DAW1: variants seen among roughly 807,000 people sequenced by gnomAD.
The protein encoded by DAW1 is dynein assembly factor with WD repeat domains 1.
DAW1 carries 47 observed loss-of-function variants against 56.5 expected under a neutral mutation model. That is an observed-to-expected ratio of 0.83 (90% CI 0.66 to 1.06). The LOEUF (loss-of-function observed/expected upper bound fraction) is 1.06. Among genes scored for constraint, DAW1 ranks in the 50% least tolerant of loss-of-function variants. The pLI is 0.00. For synonymous variants in DAW1, 190 were observed against 179.0 expected (o/e 1.06, Z -0.49); for missense variants, 505 against 499.3 (o/e 1.01, Z -0.11).
chr2:227,917,208 C>T (rs555366862), intron 10 of DAW1, among the ~76,000 whole-genome samples: 5 of 151,762 alleles, frequency 3.3e-5, no homozygotes, highest in South Asian at 2.1e-4. Flanking sequence ...ATCTATCGAT[C>T]GATCTATCTA....
At chr2:227,874,634 T>A (rs912293851) in intron 1 of DAW1, among the ~76,000 whole-genome samples, 1 of 152,192 alleles carries the variant, frequency 6.6e-6, no homozygotes, top group Non-Finnish European at 1.5e-5. Flanking sequence ...TCTTTTTGAT[T>A]ATTTAATGTT....
At chr2:227,882,231 C>G (rs1223260116) in intron 1 of DAW1, among the ~76,000 whole-genome samples, 1 of 152,234 alleles carries the variant, frequency 6.6e-6, no homozygotes, top group Non-Finnish European at 1.5e-5. Context: ...TGAACACTTT[C>G]AGCAGGGTCT....
intron 2 of DAW1, among the ~76,000 whole-genome samples, chr2:227,888,898 C>T (rs1306077282): frequency 1.3e-5 from 2 of 152,068 alleles, no homozygotes; most frequent in African/African-American, 2.4e-5. Flanking sequence ...AGTTATCTTT[C>T]AGGGAAACAA....
intron 1 of DAW1, among the ~76,000 whole-genome samples, chr2:227,878,263 TCA>T (rs1323264063): frequency 6.6e-6 from 1 of 152,218 alleles, no homozygotes; most frequent in East Asian, 1.9e-4. Context: ...GTAAATACCC[TCA>T]TATATAATGC....
intron 7 of DAW1, among the ~76,000 whole-genome samples, chr2:227,904,337 T>G (rs1376515118): frequency 6.6e-6 from 1 of 152,190 alleles, no homozygotes; most frequent in Non-Finnish European, 1.5e-5. Context: ...CAGGATCCCC[T>G]TATCAGAGTT....
intron 5 of DAW1, among the ~76,000 whole-genome samples, chr2:227,897,553 G>C (rs1186837988): frequency 2.0e-5 from 3 of 152,188 alleles, no homozygotes; most frequent in Non-Finnish European, 4.4e-5. Context: ...TTAGTTCCAA[G>C]ATCAAAGGCC....
intron 5 of DAW1, among the ~76,000 whole-genome samples, chr2:227,895,112 T>C (rs1691375755): frequency 1.3e-5 from 2 of 152,236 alleles, no homozygotes; most frequent in Admixed American, 1.3e-4. Context: ...AGAAAAATTC[T>C]GTACTCAGAT....
At chr2:227,884,149 A>G (rs1017225832) in intron 1 of DAW1, among the ~76,000 whole-genome samples, 8 of 152,216 alleles carry the variant, frequency 5.3e-5, no homozygotes, top group African/African-American at 1.2e-4. Flanking sequence ...GAACTCGCTT[A>G]GCAAGTTTTT....
At chr2:227,883,449 A>T (rs1455141447) in intron 1 of DAW1, among the ~76,000 whole-genome samples, 1 of 152,246 alleles carries the variant, frequency 6.6e-6, no homozygotes, top group Non-Finnish European at 1.5e-5. Context: ...TGAATAAAAG[A>T]TCCATCAAAA....
chr2:227,899,463 G>C (rs1422803086), intron 6 of DAW1, among the ~76,000 whole-genome samples: 2 of 152,194 alleles, frequency 1.3e-5, no homozygotes, highest in Non-Finnish European at 2.9e-5. Flanking sequence ...GTCAAAGAGA[G>C]AAAAGGCTAA....
chr2:227,887,039 T>C (rs1691148840), intron 2 of DAW1, among the ~76,000 whole-genome samples: 1 of 152,200 alleles, frequency 6.6e-6, no homozygotes, highest in South Asian at 2.1e-4. Flanking sequence ...AGAGGGGCTC[T>C]CTTAATCCTG....
intron 11 of DAW1, among the ~76,000 whole-genome samples, chr2:227,921,069 A>C (rs1715838): frequency 6.6e-6 from 1 of 151,934 alleles, no homozygotes; most frequent in African/African-American, 2.4e-5. Context: ...AGGGCCCTGC[A>C]TCTTTGCACA....
rs149371081 is a variant in DAW1, at chr2:227,889,893, G to A, written c.151G>A (p.Ala51Thr). The change falls in exon 3 of 13, where the codon GCA becomes ACA. Residue 51 changes from alanine (A) to threonine (T), a missense_variant. Coordinates refer to ENST00000309931, the MANE Select transcript of DAW1 (RefSeq NM_178821.3). ...VSALVEEIQK[A>T]EPLLTASRTE... ...TGCGTTAGTAGAAGAAATCCAGAAG[G>A]CAGAACCTCTACTCACAGCTTCACG... The A allele has an allele frequency of 1.9e-4, 313 of 1,607,878 alleles. No homozygotes were observed. The African/African-American group carries it at 3.8e-3, about 19-fold the overall frequency.
chr2:227,873,769 C>T (rs1690810342), intron 1 of DAW1, among the ~76,000 whole-genome samples: 1 of 152,142 alleles, frequency 6.6e-6, no homozygotes, highest in African/African-American at 2.4e-5. Context: ...CCAACTCCAC[C>T]TCTTGGATTC....
In DAW1 at chr2:227,885,402, A is replaced by T. The variant is rs1292188948; in HGVS notation, c.92A>T (p.Asp31Val). Reference sequence around the variant, plus strand: ...GGAGAATTAAAGACTAAGTCCATAGATTTGCTTGATCTTGGTCCCAGGTAA... The same window carrying T: ...GGAGAATTAAAGACTAAGTCCATAGTTTTGCTTGATCTTGGTCCCAGGTAA... ...KHGELKTKSIDLLDLGPSTDV... is the reference protein window; with the variant it reads ...KHGELKTKSIVLLDLGPSTDV... Residue 31 changes from aspartate to valine, a missense_variant, in exon 2 of 13, where the codon GAT becomes GTT. By Grantham distance (152) the Asp-to-Val change is radical (BLOSUM62 -3). Transcript: ENST00000309931. 1 of 1,603,104 alleles carries T rather than the reference A, an allele frequency of 6.2e-7. No individual in the cohort carries two copies. The highest frequency in any genetic ancestry group is 8.5e-7 in the Non-Finnish European group (1 of 1,176,220).
At chr2:227,879,354 A>G (rs1260973729) in intron 1 of DAW1, among the ~76,000 whole-genome samples, 2 of 151,968 alleles carry the variant, frequency 1.3e-5, no homozygotes, top group Non-Finnish European at 2.9e-5. Flanking sequence ...TGGTTTGTTT[A>G]TTGATCATTG....
intron 10 of DAW1, among the ~76,000 whole-genome samples, chr2:227,915,417 C>T (rs1418829425): frequency 6.6e-6 from 1 of 151,960 alleles, no homozygotes; most frequent in Non-Finnish European, 1.5e-5. Context: ...TTCTTGATAT[C>T]CATAAAGTAT....
intron 5 of DAW1, among the ~76,000 whole-genome samples, chr2:227,896,408 G>A (rs1315004505): frequency 6.6e-6 from 1 of 152,122 alleles, no homozygotes; most frequent in Non-Finnish European, 1.5e-5. Context: ...TTGGGGAGGT[G>A]AGGGATACTT....
rs1691584652 is a variant in DAW1, at chr2:227,903,070, G to A, written c.609G>A (p.Leu203=). The change falls in exon 7 of 13, where the codon TTG becomes TTA. Residue 203 remains leucine, a synonymous_variant. Transcript: ENST00000309931. ...GAAGTATGGACACAACAGCCAAATT[G>A]TGGGACATTCAGAATGGCGAGGAAG... ...ATGSMDTTAK[L]WDIQNGEEVY... 6.2e-7 allele frequency: 1 copy of A among 1,614,170 alleles called. No homozygotes were observed. Among genetic ancestry groups the A allele is most frequent in the South Asian group, 1.1e-5 (1 of 91,082 alleles).
Sources: gnomAD v4.1 joint callset for allele counts (sites outside exome capture counted in the v4.1 genomes callset) on GRCh38, gnomAD v4.1.1 for gene constraint, MANE v1.5 for transcripts, NCBI Gene and HGNC (gene_info 2026-07-23, HGNC 2026-07-21) for gene names.